EIF4G3: variants seen among roughly 807,000 people sequenced by gnomAD.
EIF4G3 encodes the protein eIF-4-gamma 3.
In EIF4G3, 34 loss-of-function variants were observed where a neutral mutation model predicts 186.4. The observed-to-expected ratio is 0.18, with a 90% CI of 0.14 to 0.24. EIF4G3 has a LOEUF of 0.24. EIF4G3 is among the 10% of genes least tolerant of loss of function. The pLI, the probability that EIF4G3 is intolerant of heterozygous loss-of-function variation, is 1.00. For synonymous variants in EIF4G3, 673 were observed against 679.5 expected (o/e 0.99, Z 0.15); for missense variants, 1,536 against 1,948.5 (o/e 0.79, Z 3.99).
chr1:21,023,238 TC>T (rs1557570010), intron 4 of EIF4G3, among the ~76,000 whole-genome samples: 1 of 22,766 alleles, frequency 4.4e-5, no homozygotes, highest in Non-Finnish European at 8.3e-5. Flanking sequence ...TCCCTCCCCC[TC>T]CCCTCCCCCT....
intron 2 of EIF4G3, among the ~76,000 whole-genome samples, chr1:21,115,311 G>A (rs1380630642): frequency 6.6e-6 from 1 of 152,148 alleles, no homozygotes; most frequent in Non-Finnish European, 1.5e-5. Context: ...GGTCCATGGG[G>A]AGAGAGGGGA....
chr1:21,060,223 T>C (rs1275314899), intron 3 of EIF4G3, among the ~76,000 whole-genome samples: 1 of 152,216 alleles, frequency 6.6e-6, no homozygotes, highest in Non-Finnish European at 1.5e-5. Context: ...GTGCTGAAAT[T>C]ACAGGCGTGC....
chr1:21,062,152 G>A (rs1285592787), intron 3 of EIF4G3, among the ~76,000 whole-genome samples: 7 of 151,940 alleles, frequency 4.6e-5, no homozygotes, highest in Non-Finnish European at 8.8e-5. Context: ...TCAAACTCCA[G>A]GGCTCAAGCA....
chr1:21,008,494 G>A (rs1188972705), intron 4 of EIF4G3, among the ~76,000 whole-genome samples: 1 of 151,848 alleles, frequency 6.6e-6, no homozygotes, highest in Non-Finnish European at 1.5e-5. Context: ...ATGCCACCAC[G>A]CCCGGCTAAT....
intron 4 of EIF4G3, among the ~76,000 whole-genome samples, chr1:21,044,528 T>C (rs2093762543): frequency 6.6e-6 from 1 of 152,060 alleles, no homozygotes; most frequent in Non-Finnish European, 1.5e-5. Context: ...CTCTACTTTA[T>C]CATGGTTAAC....
chr1:21,106,038 G>C (rs1233324922), intron 2 of EIF4G3, among the ~76,000 whole-genome samples: 1 of 151,854 alleles, frequency 6.6e-6, no homozygotes, highest in Non-Finnish European at 1.5e-5. Flanking sequence ...CTGCACTCCA[G>C]CCTAAGTGAC....
chr1:21,065,089 T>G (rs2095165718), intron 3 of EIF4G3: 1 of 152,252 alleles, frequency 6.6e-6, no homozygotes, highest in Non-Finnish European at 1.5e-5. Context: ...GCTAATCAAC[T>G]AGTTATTTAA....
intron 29 of EIF4G3, chr1:20,847,957 A>G: frequency 2.5e-6 from 1 of 408,020 alleles, no homozygotes; most frequent in Admixed American, 3.4e-5. Flanking sequence ...TTAAGAAAAC[A>G]AGTAATATTT....
At chr1:21,101,750 GTTA>G (rs1352481995) in intron 2 of EIF4G3, among the ~76,000 whole-genome samples, 1 of 151,600 alleles carries the variant, frequency 6.6e-6, no homozygotes, top group Non-Finnish European at 1.5e-5. Flanking sequence ...TCACCTTTAT[GTTA>G]TTATTATATT....
chr1:21,020,100 C>T (rs965079929), intron 4 of EIF4G3, among the ~76,000 whole-genome samples: 5 of 152,150 alleles, frequency 3.3e-5, no homozygotes, highest in East Asian at 1.9e-4. Flanking sequence ...GGAATAGTTG[C>T]GTCCACTTAA....
At chr1:21,146,285 G>A (rs1034180001) in intron 2 of EIF4G3, among the ~76,000 whole-genome samples, 1 of 152,048 alleles carries the variant, frequency 6.6e-6, no homozygotes, top group African/African-American at 2.4e-5. Context: ...GAGCCCATGA[G>A]GTTGAAGCTG....
intron 36 of EIF4G3, among the ~76,000 whole-genome samples, chr1:20,808,823 C>T (rs575496128): frequency 6.6e-6 from 1 of 152,108 alleles, no homozygotes; most frequent in South Asian, 2.1e-4. Flanking sequence ...CGGTTTTACT[C>T]TCATAGTAAA....
intron 33 of EIF4G3, among the ~76,000 whole-genome samples, chr1:20,824,582 G>A (rs1273022126): frequency 1.3e-5 from 2 of 152,138 alleles, no homozygotes; most frequent in Non-Finnish European, 2.9e-5. Flanking sequence ...TACTGATCAT[G>A]GGGTCTTCTG....
chr1:21,138,330 A>G (rs1313146982), intron 2 of EIF4G3, among the ~76,000 whole-genome samples: 1 of 152,226 alleles, frequency 6.6e-6, no homozygotes, highest in Non-Finnish European at 1.5e-5. Flanking sequence ...CTCAATAGGT[A>G]CATGAATCAC....
At chr1:20,905,689 G>T (rs2091868768) in intron 14 of EIF4G3, among the ~76,000 whole-genome samples, 1 of 152,170 alleles carries the variant, frequency 6.6e-6, no homozygotes, top group South Asian at 2.1e-4. Flanking sequence ...AGAATCATGG[G>T]TGTATAAGTG....
intron 36 of EIF4G3, among the ~76,000 whole-genome samples, chr1:20,809,938 CTTG>C (rs1202807510): frequency 6.6e-6 from 1 of 151,800 alleles, no homozygotes; most frequent in Non-Finnish European, 1.5e-5. Flanking sequence ...AAATAGTTTT[CTTG>C]TTGTGATATT....
At chr1:20,929,092 G>A (rs1240123363) in intron 14 of EIF4G3, among the ~76,000 whole-genome samples, 2 of 152,160 alleles carry the variant, frequency 1.3e-5, no homozygotes, top group Non-Finnish European at 2.9e-5. Context: ...TTCATGGTAT[G>A]TATATATCAC....
intron 12 of EIF4G3, among the ~76,000 whole-genome samples, chr1:20,959,830 G>T (rs953272053): frequency 6.6e-6 from 1 of 152,006 alleles, no homozygotes; most frequent in Non-Finnish European, 1.5e-5. Context: ...ACCACAAAGC[G>T]ATACCATCTT....
At chr1:21,009,206 G>A (rs1023487924) in intron 4 of EIF4G3, among the ~76,000 whole-genome samples, 2 of 151,962 alleles carry the variant, frequency 1.3e-5, no homozygotes, top group Admixed American at 1.3e-4. Flanking sequence ...TTGGAGACAG[G>A]GTCTCGCTCT....
Sources: gnomAD v4.1 joint callset for allele counts (sites outside exome capture counted in the v4.1 genomes callset) on GRCh38, gnomAD v4.1.1 for gene constraint, MANE v1.5 for transcripts, NCBI Gene and HGNC (gene_info 2026-07-23, HGNC 2026-07-21) for gene names.